The following ZNF34 variants were observed in gnomAD, a reference collection of about 807,000 sequenced individuals.
ZNF34 encodes the protein zinc finger protein 34.
In ZNF34, 8 loss-of-function variants were observed where a neutral mutation model predicts 14.4. The observed-to-expected ratio is 0.55, with a 90% CI of 0.33 to 1.00. The LOEUF is 1.00. Ranked by LOEUF, ZNF34 falls within the 50% of genes least tolerant of loss-of-function variation. ZNF34 has a pLI of 0.03. For synonymous variants in ZNF34, 235 were observed against 247.9 expected, an observed-to-expected ratio of 0.95 and a Z score of 0.49; for missense variants, 538 against 674.2, an observed-to-expected ratio of 0.80 and a Z score of 2.24.
chr8:144,778,091 C>A lies in ZNF34; in HGVS notation c.107G>T (p.Arg36Met), dbSNP rs1416386712. The A allele has an allele frequency of 6.2e-7, 1 of 1,614,068 alleles. No individual in the cohort carries two copies. The highest frequency in any genetic ancestry group is 1.3e-5 in the African/African-American group (1 of 75,050). ...CAGCATCACGTCCCTGTAGAGGCCC[C>A]TCTGAGCAGGGCCCAGGCGGCCCCA... ...EEWGRLGPAQ[R>M]GLYRDVMLET... is the part of the protein sequence containing the mutation. Residue 36 changes from arginine (R) to methionine (M), a missense_variant, in exon 4 of 6, where the codon AGG (arginine) becomes ATG (methionine). Around this residue, in one of 3 missense-constraint regions of ZNF34, gnomAD observed 431 missense variants for 525.7 expected, o/e 0.82. Coordinates refer to ENST00000429371, the MANE Select transcript of ZNF34 (RefSeq NM_001286769.2).
chr8:144,783,506 C>T (rs1826029277), intron 1 of ZNF34, among the ~76,000 whole-genome samples: 1 of 152,178 alleles, frequency 6.6e-6, no homozygotes, highest in Admixed American at 6.5e-5. Flanking sequence ...GTTGGAATGA[C>T]AGGAGTTCCA....
intron 1 of ZNF34, among the ~76,000 whole-genome samples, chr8:144,781,209 G>T (rs991575810): frequency 3.3e-5 from 5 of 150,760 alleles, no homozygotes; most frequent in African/African-American, 1.2e-4. Context: ...CCACCAAAAA[G>T]CTGTAATAAT....
At chr8:144,776,405 G>T (rs768036966) in intron 5 of ZNF34, among the ~76,000 whole-genome samples, 19 of 150,990 alleles carry the variant, frequency 1.3e-4, no homozygotes, top group Non-Finnish European at 2.7e-4. Flanking sequence ...TTTGAGACCA[G>T]CCTGGTCAAC....
At chr8:144,776,562 A>G (rs1257910897) in intron 5 of ZNF34, among the ~76,000 whole-genome samples, 1 of 151,598 alleles carries the variant, frequency 6.6e-6, no homozygotes, top group East Asian at 1.9e-4. Context: ...GCGCCACTGC[A>G]CTCCAGCCTG....
At position 144,778,140 on chromosome 8, in the gene ZNF34, C is replaced by T. The variant is rs1825644961; in HGVS notation, c.58G>A (p.Ala20Thr). ...CATTCCTCCCGGGAGAGGTACACAG[C>T]CACGTCCTCGAAGGTCACCTCGGCC... The part of the protein sequence containing the change: ...PQAEVTFEDV[A>T]VYLSREEWGR... The change falls in exon 4 of 6, where the codon GCT becomes ACT. Residue 20 changes from alanine to threonine, a missense_variant. Around this residue, in one of 3 missense-constraint regions of ZNF34, gnomAD observed 431 missense variants for 525.7 expected, o/e 0.82. Transcript: ENST00000429371. 6.2e-7 allele frequency: 1 copy of T among 1,613,456 alleles called. No homozygotes were observed. Among genetic ancestry groups the T allele is most frequent in the Non-Finnish European group, 8.5e-7 (1 of 1,179,726 alleles).
chr8:144,783,938 G>T (rs897975844), intron 1 of ZNF34, among the ~76,000 whole-genome samples: 37 of 152,298 alleles, frequency 2.4e-4, no homozygotes, highest in African/African-American at 8.9e-4. Flanking sequence ...GCCAAGGCGG[G>T]AGGATCACGA....
At chr8:144,786,694 A>G (rs1278732755) in intron 1 of ZNF34, among the ~76,000 whole-genome samples, 1 of 152,004 alleles carries the variant, frequency 6.6e-6, no homozygotes, top group African/African-American at 2.4e-5. Flanking sequence ...AAGAAAAAAT[A>G]AAGAAGAGAA....
rs906314931 is a variant in ZNF34 at position 144,779,694 on chromosome 8, C to T, written c.-55+534G>A. Among the ~76,000 whole-genome samples, 2 of 152,030 alleles carry T rather than the reference C, an allele frequency of 1.3e-5. No homozygotes were observed. Among genetic ancestry groups the T allele is most frequent in the Admixed American group, 1.3e-4 (2 of 15,256 alleles). On this transcript the variant is annotated intron_variant, in intron 2 of 5. Transcript: ENST00000429371. This position sits in a 1 kb window ranked among gnomAD's most constrained non-coding sequence, Gnocchi z 4.1. ...TCAAGCAATCCTCTTGCCTCGGCCT[C>T]CCAAAGTGCTGGGATTAAAGGAGTG...
At chr8:144,782,860 AAAAAAAAAAAAAAAAG>A (rs1825979536) in intron 1 of ZNF34, among the ~76,000 whole-genome samples, 1 of 124,452 alleles carries the variant, frequency 8.0e-6, no homozygotes, top group Non-Finnish European at 1.9e-5. Context: ...AAAAAAAAAA[AAAAAAAAAAAAAAAAG>A]AAAAGAAAAT....
intron 1 of ZNF34, among the ~76,000 whole-genome samples, chr8:144,783,157 T>G (rs566790929): frequency 1.1e-4 from 17 of 152,194 alleles, no homozygotes; most frequent in African/African-American, 3.9e-4. Flanking sequence ...GGCACATGCC[T>G]GTAGTCCCAG....
chr8:144,773,009 C>T lies in ZNF34; in HGVS notation c.*257G>A, dbSNP rs985666351. 1.8e-5 allele frequency: 7 copies of T among 392,630 alleles called. No individual in the cohort carries two copies. Among genetic ancestry groups the T allele is most frequent in the African/African-American group, 8.2e-5 (4 of 49,014 alleles). The allele number at this position is 392,630 out of a possible 1,614,324, so 24.3% of individuals were successfully genotyped here. ...CTCTCCAGTATGTCTCGAAAATATT[C>T]GTAAATCAGCAGCAATGAATTTTTT... On this transcript the variant is annotated 3_prime_UTR_variant, in exon 6 of 6. Coordinates refer to ENST00000429371, the MANE Select transcript of ZNF34 (RefSeq NM_001286769.2). The surrounding 1 kb of genome is among the most constrained non-coding windows in gnomAD (Gnocchi z 5.4).
Position 144,773,637 on chromosome 8 carries a change from G to T in ZNF34, c.1249C>A (p.Gln417Lys). ...FIQKTKLVEH[Q>K]RSHTGEKPYE... ...GGCTTCTCTCCAGTGTGGCTTCTCT[G>T]ATGTTCCACGAGTTTGGTTTTTTGA... Residue 417 changes from glutamine (Q) to lysine (K), a missense_variant, in exon 6 of 6, where the codon CAG becomes AAG. Gln to Lys is a moderately conservative substitution (Grantham distance 53, BLOSUM62 1). Around this residue, in one of 3 missense-constraint regions of ZNF34, gnomAD observed 431 missense variants for 525.7 expected, o/e 0.82. Coordinates refer to ENST00000429371, the MANE Select transcript of ZNF34 (RefSeq NM_001286769.2). This position sits in a 1 kb window ranked among gnomAD's most constrained non-coding sequence, Gnocchi z 5.4. 1 of 1,614,138 alleles carries T rather than the reference G, an allele frequency of 6.2e-7. No homozygotes were observed. Among genetic ancestry groups the T allele is most frequent in the Non-Finnish European group, 8.5e-7 (1 of 1,179,996 alleles).
rs200257055 is a variant in ZNF34 at position 144,773,845 on chromosome 8, G to A, written c.1041C>T (p.Cys347=). ...TTGAGCCATCACTGAAGGCTTTCCC[G>A]CAGTCATTACATTTATAGGGTTTCT... ...TGEKPYKCND[C]GKAFSDGSIL... is the part of the protein sequence containing the mutation. The change falls in exon 6 of 6, where the codon TGC becomes TGT. Residue 347 remains cysteine, a synonymous_variant. Coordinates refer to ENST00000429371, the MANE Select transcript of ZNF34 (RefSeq NM_001286769.2). The surrounding 1 kb of genome is among the most constrained non-coding windows in gnomAD (Gnocchi z 5.4). 5.6e-6 allele frequency: 9 copies of A among 1,613,768 alleles called. No homozygotes were observed. The highest frequency in any genetic ancestry group is 4.4e-5 in the South Asian group (4 of 91,062).
At chr8:144,786,428 G>T (rs1452954087) in intron 1 of ZNF34, among the ~76,000 whole-genome samples, 2 of 151,900 alleles carry the variant, frequency 1.3e-5, no homozygotes, top group African/African-American at 4.8e-5. Context: ...GAGGTCAGGA[G>T]TTCGAGACCA....
Position 144,777,439 on chromosome 8 carries a change from A to C in ZNF34, c.280+19T>G. Reference sequence around the variant, plus strand: ...GCTCGTTCGGTGACTTGAGTTGGGGAGCAGATCCCCTCACGCACCTGGGCT... The same window carrying C: ...GCTCGTTCGGTGACTTGAGTTGGGGCGCAGATCCCCTCACGCACCTGGGCT... On this transcript the variant is annotated intron_variant, in intron 5 of 5. Transcript: ENST00000429371. The surrounding 1 kb of genome is among the most constrained non-coding windows in gnomAD (Gnocchi z 4.8). 6.4e-7 allele frequency: 1 copy of C among 1,550,546 alleles called. No individual in the cohort carries two copies. The highest frequency in any genetic ancestry group is 8.7e-7 in the Non-Finnish European group (1 of 1,146,416).
In ZNF34 at chr8:144,772,241, T is replaced by C. The variant is rs1586723384; in HGVS notation, c.*1025A>G. On this transcript the variant is annotated 3_prime_UTR_variant, in exon 6 of 6. Coordinates refer to ENST00000429371, the MANE Select transcript of ZNF34 (RefSeq NM_001286769.2). Reference sequence around the variant, plus strand: ...AACACAGATTGCATGATTCCACACATATTTATGTTCCTAGAATAGGCAAAT... The same window carrying C: ...AACACAGATTGCATGATTCCACACACATTTATGTTCCTAGAATAGGCAAAT... Among the ~76,000 whole-genome samples the C allele has an allele frequency of 6.6e-6, 1 of 152,168 alleles. No homozygotes were observed. The highest frequency in any genetic ancestry group is 2.1e-4 in the South Asian group (1 of 4,834).
chr8:144,780,256 G>C lies in ZNF34; in HGVS notation c.-83C>G, dbSNP rs1266373626. 6.5e-7 allele frequency: 1 copy of C among 1,550,104 alleles called. No homozygotes were observed. Among genetic ancestry groups the C allele is most frequent in the African/African-American group, 1.4e-5 (1 of 73,010 alleles). ...CCAGAAGCATGAGACTCTCGGATTA[G>C]ATACATGTGATGCAACTATTTGGCC... On this transcript the variant is annotated 5_prime_UTR_variant, in exon 2 of 6. It adds an upstream start codon to the 5' untranslated region. Coordinates refer to ENST00000429371, the MANE Select transcript of ZNF34 (RefSeq NM_001286769.2).
Position 144,779,929 on chromosome 8 carries a change from C to T in ZNF34, c.-55+299G>A, listed in dbSNP as rs564186574. Among the ~76,000 whole-genome samples, 3 of 151,150 alleles carry T rather than the reference C, an allele frequency of 2.0e-5. No homozygotes were observed. Among genetic ancestry groups the T allele is most frequent in the Non-Finnish European group, 4.4e-5 (3 of 67,924 alleles). ...AGGGGCCAAGCTCGGTGGCTCACAC[C>T]TGTAATCCTAGCGCTTTGGGAGGCT... On this transcript the variant is annotated intron_variant, in intron 2 of 5. Transcript: ENST00000429371. This position sits in a 1 kb window ranked among gnomAD's most constrained non-coding sequence, Gnocchi z 4.1.
chr8:144,778,436 CA>C lies in ZNF34; in HGVS notation c.33+2del. On this transcript the variant is annotated splice_donor_variant, in intron 3 of 5. Coordinates refer to ENST00000429371, the MANE Select transcript of ZNF34 (RefSeq NM_001286769.2). LOFTEE classifies it high-confidence loss of function. ...CACTCCTCCCAGGAGGACAGACACT[CA>C]CCTGGGGTGGGGCAGACAGGAACAA... 1 of 1,568,800 alleles carries C rather than the reference CA, an allele frequency of 6.4e-7. No homozygotes were observed. The highest frequency in any genetic ancestry group is 8.6e-7 in the Non-Finnish European group (1 of 1,158,306).
Sources: allele counts gnomAD v4.1 joint callset (sites outside exome capture counted in the v4.1 genomes callset), GRCh38; gene constraint gnomAD v4.1.1; regional missense constraint gnomAD v4.1.1; non-coding constraint Gnocchi (gnomAD v3.1); transcripts MANE v1.5; gene names NCBI Gene and HGNC (gene_info 2026-07-23, HGNC 2026-07-21).